Variants in EPHA3 observed in about 807,000 individuals in gnomAD.
EPHA3 encodes the protein EPH receptor A3, also known as ephrin type-A receptor 3.
In EPHA3, 42 loss-of-function variants were observed where a neutral mutation model predicts 107.1. The ratio of observed to expected loss-of-function variants is 0.39; its 90% CI spans 0.31 to 0.51. EPHA3 has a LOEUF of 0.51. Among genes scored for constraint, EPHA3 ranks in the 20% least tolerant of loss-of-function variants. The pLI is 0.78. For synonymous variants in EPHA3, 461 were observed against 424.8 expected (o/e 1.09, Z -1.05); for missense variants, 1,183 against 1,211.2 (o/e 0.98, Z 0.35).
At chr3:89,446,887 G>C (rs1190215125) in intron 13 of EPHA3, among the ~76,000 whole-genome samples, 2 of 152,076 alleles carry the variant, frequency 1.3e-5, no homozygotes, top group Non-Finnish European at 2.9e-5. Flanking sequence ...AAAATGACAA[G>C]TGTCTATAAC....
intron 2 of EPHA3, among the ~76,000 whole-genome samples, chr3:89,176,562 C>T (rs1705324932): frequency 6.7e-6 from 1 of 149,234 alleles, no homozygotes; most frequent in African/African-American, 2.5e-5. Flanking sequence ...ACACCAGTTA[C>T]TTAACCTTTC....
At chr3:89,117,913 C>CT (rs1042559143) in intron 1 of EPHA3, among the ~76,000 whole-genome samples, 8 of 151,856 alleles carry the variant, frequency 5.3e-5, no homozygotes, top group Non-Finnish European at 1.0e-4. Flanking sequence ...GTAGATTTTG[C>CT]TTTTTTTACA....
At chr3:89,461,042 G>GAAGAACAGACAT (rs1710227777) in intron 15 of EPHA3, among the ~76,000 whole-genome samples, 1 of 111,942 alleles carries the variant, frequency 8.9e-6, no homozygotes, top group Non-Finnish European at 1.8e-5. Context: ...TGATCTCATT[G>GAAGAACAGACAT]TTCAATTCCC....
chr3:89,352,159 T>G (rs1287179925), intron 5 of EPHA3, among the ~76,000 whole-genome samples: 1 of 151,170 alleles, frequency 6.6e-6, no homozygotes, highest in Non-Finnish European at 1.5e-5. Flanking sequence ...AATGAAGGAA[T>G]TCCTATCCTC....
intron 2 of EPHA3, among the ~76,000 whole-genome samples, chr3:89,128,672 A>G (rs1704140663): frequency 6.7e-6 from 1 of 149,922 alleles, no homozygotes; most frequent in Admixed American, 6.7e-5. Context: ...ATATATAGAC[A>G]TACTATATAC....
chr3:89,209,216 G>A (rs1270799906), intron 2 of EPHA3, among the ~76,000 whole-genome samples: 2 of 152,094 alleles, frequency 1.3e-5, no homozygotes, highest in African/African-American at 2.4e-5. Context: ...TTTAAGAATC[G>A]AATGTTTGCC....
At chr3:89,183,750 A>T (rs1363859484) in intron 2 of EPHA3, among the ~76,000 whole-genome samples, 1 of 151,966 alleles carries the variant, frequency 6.6e-6, no homozygotes, top group Non-Finnish European at 1.5e-5. Flanking sequence ...TAACTCTTAT[A>T]CTTTGTTTAA....
intron 15 of EPHA3, among the ~76,000 whole-genome samples, chr3:89,459,144 A>G (rs1163780610): frequency 6.6e-6 from 1 of 152,200 alleles, no homozygotes; most frequent in Non-Finnish European, 1.5e-5. Flanking sequence ...ATGTATACCT[A>G]TGTAACAAAC....
rs543334862 is a variant in EPHA3, at chr3:89,218,541, G to C, written c.814+8021G>C. On this transcript the variant is annotated intron_variant, in intron 3 of 16. Transcript: ENST00000336596. ...TTTCTTAATCCAGTCTATCATTGTT[G>C]GACATTTGGGTTGGTTCCAAGTCTT... 9.9e-5 allele frequency among the ~76,000 whole-genome samples: 15 copies of C among 151,886 alleles called. No individual in the cohort carries two copies. In the East Asian group the frequency reaches 2.9e-3, roughly 30 times the overall value.
intron 1 of EPHA3, among the ~76,000 whole-genome samples, chr3:89,110,580 G>A (rs920150423): frequency 6.6e-6 from 1 of 151,860 alleles, no homozygotes; most frequent in Non-Finnish European, 1.5e-5. Context: ...TCAGCAATTG[G>A]CCTATATACT....
intron 3 of EPHA3, among the ~76,000 whole-genome samples, chr3:89,334,596 T>G (rs1707355786): frequency 6.6e-6 from 1 of 152,186 alleles, no homozygotes; most frequent in Non-Finnish European, 1.5e-5. Context: ...AATAATTCAC[T>G]CACTTTAAAA....
intron 5 of EPHA3, among the ~76,000 whole-genome samples, chr3:89,374,717 T>TA (rs1416203686): frequency 1.3e-5 from 2 of 151,646 alleles, no homozygotes; most frequent in African/African-American, 4.8e-5. Context: ...ATTGTCATGA[T>TA]ACATCTCAGC....
At chr3:89,198,926 A>G (rs1330612592) in intron 2 of EPHA3, among the ~76,000 whole-genome samples, 8 of 152,200 alleles carry the variant, frequency 5.3e-5, no homozygotes, top group Non-Finnish European at 1.0e-4. Context: ...CAGTCTAGAC[A>G]AGTTAAGCCA....
At chr3:89,457,463 G>T (rs568581584) in intron 15 of EPHA3, among the ~76,000 whole-genome samples, 2 of 152,226 alleles carry the variant, frequency 1.3e-5, no homozygotes, top group African/African-American at 4.8e-5. Flanking sequence ...CCGCACACAC[G>T]AGGAGTCTAG....
chr3:89,244,033 T>C (rs1352773280), intron 3 of EPHA3, among the ~76,000 whole-genome samples: 1 of 152,182 alleles, frequency 6.6e-6, no homozygotes, highest in Non-Finnish European at 1.5e-5. Context: ...TTTACAAATA[T>C]GGTGCTGTGA....
chr3:89,219,686 A>ATGTGTTTTTTTT (rs746458955), intron 3 of EPHA3, among the ~76,000 whole-genome samples: 1,752 of 38,768 alleles, frequency 0.045, 632 homozygotes, highest in Admixed American at 0.13. Context: ...GCATTTGGCA[A>ATGTGTTTTTTTT]TGTTTTTTTT....
intron 13 of EPHA3, among the ~76,000 whole-genome samples, chr3:89,439,564 A>G (rs1709741461): frequency 6.6e-6 from 1 of 152,166 alleles, no homozygotes; most frequent in Admixed American, 6.5e-5. Flanking sequence ...TCTTCAAAAA[A>G]TTGTGTTCAG....
chr3:89,159,303 C>T (rs1164810298), intron 2 of EPHA3, among the ~76,000 whole-genome samples: 1 of 152,028 alleles, frequency 6.6e-6, no homozygotes, highest in Non-Finnish European at 1.5e-5. Context: ...CATTGGAAAC[C>T]TGCTGAAGCT....
intron 13 of EPHA3, among the ~76,000 whole-genome samples, chr3:89,447,967 A>G (rs1709910644): frequency 6.6e-6 from 1 of 152,166 alleles, no homozygotes; most frequent in Non-Finnish European, 1.5e-5. Context: ...AACACGGCTT[A>G]AGATTTTGAG....
Sources: gnomAD v4.1 joint callset for allele counts (sites outside exome capture counted in the v4.1 genomes callset) on GRCh38, gnomAD v4.1.1 for gene constraint, MANE v1.5 for transcripts, NCBI Gene and HGNC (gene_info 2026-07-23, HGNC 2026-07-21) for gene names.